The following BTG1 variants were observed in gnomAD, a reference collection of about 807,000 sequenced individuals.
The protein encoded by BTG1 is BTG anti-proliferation factor 1.
In BTG1, 2 loss-of-function variants were observed where a neutral mutation model predicts 15.2. That is an observed-to-expected ratio of 0.13 (90% CI 0.05 to 0.41). The LOEUF is 0.41. BTG1 is among the 10% of genes least tolerant of loss of function. The pLI is 0.99. For missense variants in BTG1, 149 were observed against 215.0 expected, an observed-to-expected ratio of 0.69 and a Z score of 1.92; for synonymous variants, 109 against 82.4, an observed-to-expected ratio of 1.32 and a Z score of -1.75.
At chr12:92,145,089 T>C (rs1186646979) in intron 1 of BTG1, 2 of 237,958 alleles carry the variant, frequency 8.4e-6, no homozygotes, top group East Asian at 8.6e-5. Flanking sequence ...TGTCCCCAAA[T>C]CCGCCGACGG....
chr12:92,144,812 A>G (rs1053763934), intron 1 of BTG1, among the ~76,000 whole-genome samples: 1 of 152,192 alleles, frequency 6.6e-6, no homozygotes, highest in African/African-American at 2.4e-5. Flanking sequence ...TTTGGAGATG[A>G]GAAGCGCCAC....
rs1249584865 is a variant in BTG1 at position 92,140,474 on chromosome 12, C to A, written c.*3606G>T. ...AGCATTTCAAAAATATAACACTTAA[C>A]ATCAGAAGAAAATGATCTATAGGGA... On this transcript the variant is annotated 3_prime_UTR_variant, in exon 2 of 2. Transcript: ENST00000256015. 1 of 227,904 alleles carries A rather than the reference C, an allele frequency of 4.4e-6. No homozygotes were observed. Among genetic ancestry groups the A allele is most frequent in the East Asian group, 6.3e-5 (1 of 15,866 alleles). The allele number at this position is 227,904 out of a possible 1,614,324, so 14.1% of individuals were successfully genotyped here.
At position 92,143,930 on chromosome 12, in the gene BTG1, ATTTTT is replaced by A. The variant is rs11377023; in HGVS notation, c.*145_*149del. 18 of 806,572 alleles carry A rather than the reference ATTTTT, an allele frequency of 2.2e-5. No homozygotes were observed. The East Asian group carries it at 5.3e-4, about 24-fold the overall frequency. The allele number at this position is 806,572 out of a possible 1,614,324, so 50.0% of individuals were successfully genotyped here. On this transcript the variant is annotated 3_prime_UTR_variant, in exon 2 of 2. Transcript: ENST00000256015. ...CCAAACTATGGCACTGTCACTTAAA[ATTTTT>A]TTTTTTTTTACCATTCTATCTTGTG... is the stretch of plus-strand genomic sequence containing the variant.
At chr12:92,144,566 GTCCAGGATTGCA>G (rs1400216253) in intron 1 of BTG1, 119 bp from the exon 2 acceptor site, 1 of 1,341,148 alleles carries the variant, frequency 7.5e-7, no homozygotes, top group Non-Finnish European at 1.0e-6. Context: ...TTTTTAAAAT[GTCCAGGATTGCA>G]TCCGTTGTTG....
At chr12:92,145,167 C>T (rs578215726) in intron 1 of BTG1, 2 of 571,236 alleles carry the variant, frequency 3.5e-6, no homozygotes, top group Admixed American at 4.6e-5. Context: ...CTTCTCCTCT[C>T]CGTTTTGCCA....
chr12:92,142,117 G>A lies in BTG1; in HGVS notation c.*1963C>T, dbSNP rs1170229016. 2 of 231,908 alleles carry A rather than the reference G, an allele frequency of 8.6e-6. No homozygotes were observed. The highest frequency in any genetic ancestry group is 6.1e-5 in the East Asian group (1 of 16,410). 14.4% of individuals were successfully genotyped at this position (231,908 alleles called of 1,614,324 possible). Reference sequence around the variant, plus strand: ...TTGGCAAGGGTAGTCCATGTGTTGCGGGTCTACGAATTCTAACTCTCGAGA... The same window carrying A: ...TTGGCAAGGGTAGTCCATGTGTTGCAGGTCTACGAATTCTAACTCTCGAGA... On this transcript the variant is annotated 3_prime_UTR_variant, in exon 2 of 2. Transcript: ENST00000256015.
chr12:92,142,867 A>G lies in BTG1; in HGVS notation c.*1213T>C, dbSNP rs1010424960. 1 of 232,998 alleles carries G rather than the reference A, an allele frequency of 4.3e-6. No individual in the cohort carries two copies. The highest frequency in any genetic ancestry group is 8.5e-6 in the Non-Finnish European group (1 of 117,986). 14.4% of individuals were successfully genotyped at this position (232,998 alleles called of 1,614,324 possible). ...CCTTTGAGTATCACATTTTTGGTAG[A>G]TGCTACCGTGGTCTCTTATCCTTAT... On this transcript the variant is annotated 3_prime_UTR_variant, in exon 2 of 2. Coordinates refer to ENST00000256015, the MANE Select transcript of BTG1 (RefSeq NM_001731.3).
At position 92,145,652 on chromosome 12, in the gene BTG1, T is replaced by A; in HGVS notation, c.-117A>T. The A allele has an allele frequency of 1.5e-6, 1 of 647,606 alleles. No homozygotes were observed. Among genetic ancestry groups the A allele is most frequent in the Non-Finnish European group, 2.2e-6 (1 of 447,550 alleles). 40.1% of individuals were successfully genotyped at this position (647,606 alleles called of 1,614,324 possible). A position where few individuals can be genotyped will look rare whatever the true frequency, so the allele number is the denominator to read the frequency against. On this transcript the variant is annotated 5_prime_UTR_variant, in exon 1 of 2. Coordinates refer to ENST00000256015, the MANE Select transcript of BTG1 (RefSeq NM_001731.3). ...GGAAGGCTGAGAGGAAGAGAGGGCG[T>A]GAGGGGCGGACGACTACTTTTGTCT...
rs141961372 is a variant in BTG1 at position 92,143,762 on chromosome 12, G to A, written c.*318C>T. 1.6e-4 allele frequency: 50 copies of A among 303,610 alleles called. No individual in the cohort carries two copies. The highest frequency in any genetic ancestry group is 9.7e-4 in the African/African-American group (45 of 46,332). 18.8% of individuals were successfully genotyped at this position (303,610 alleles called of 1,614,324 possible). ...GCAGAGAAAGATTCTTTGAAATACA[G>A]ATTTTCTTTAAAAGGATTGATGTAA... On this transcript the variant is annotated 3_prime_UTR_variant, in exon 2 of 2. Coordinates refer to ENST00000256015, the MANE Select transcript of BTG1 (RefSeq NM_001731.3).
In BTG1 at chr12:92,143,819, C is replaced by G. The variant is rs1177607713; in HGVS notation, c.*261G>C. ...AGGTATGTCTGGGAGAAACTGAAAC[C>G]ACCCTAGGACTTCCCTCCCTAGCAA... On this transcript the variant is annotated 3_prime_UTR_variant, in exon 2 of 2. Coordinates refer to ENST00000256015, the MANE Select transcript of BTG1 (RefSeq NM_001731.3). The G allele has an allele frequency of 2.5e-6, 1 of 397,146 alleles. No homozygotes were observed. The highest frequency in any genetic ancestry group is 4.5e-5 in the East Asian group (1 of 22,016). The allele number at this position is 397,146 out of a possible 1,614,324, so 24.6% of individuals were successfully genotyped here. A position where few individuals can be genotyped will look rare whatever the true frequency, so the allele number is the denominator to read the frequency against.
In BTG1 at chr12:92,142,649, G is replaced by T. The variant is rs1290494453; in HGVS notation, c.*1431C>A. 4.3e-6 allele frequency: 1 copy of T among 232,864 alleles called. No individual in the cohort carries two copies. Among genetic ancestry groups the T allele is most frequent in the Non-Finnish European group, 8.5e-6 (1 of 117,924 alleles). The allele number at this position is 232,864 out of a possible 1,614,324, so 14.4% of individuals were successfully genotyped here. A position where few individuals can be genotyped will look rare whatever the true frequency, so the allele number is the denominator to read the frequency against. On this transcript the variant is annotated 3_prime_UTR_variant, in exon 2 of 2. Transcript: ENST00000256015. ...CTTATGTGATTTTTATGTACATCTTGCAGGTGATGAAAAGCAAAAAGCAAC... is the reference window on the plus strand; with the variant it reads ...CTTATGTGATTTTTATGTACATCTTTCAGGTGATGAAAAGCAAAAAGCAAC...
rs1025285379 is a variant in BTG1 at position 92,143,160 on chromosome 12, G to A, written c.*920C>T. ...AAGATAAGAAACGATTTATTATAGA[G>A]AGAAGAAAAATTTCTCATCCAAAAT... On this transcript the variant is annotated 3_prime_UTR_variant, in exon 2 of 2. Coordinates refer to ENST00000256015, the MANE Select transcript of BTG1 (RefSeq NM_001731.3). 1 of 232,704 alleles carries A rather than the reference G, an allele frequency of 4.3e-6. No homozygotes were observed. Among genetic ancestry groups the A allele is most frequent in the African/African-American group, 2.2e-5 (1 of 45,292 alleles). The allele number at this position is 232,704 out of a possible 1,614,324, so 14.4% of individuals were successfully genotyped here.
chr12:92,144,416 C>T lies in BTG1; in HGVS notation c.180G>A (p.Lys60=), dbSNP rs1159068303. ...AACGGTAACCCGATCCCTTGCATGG[C>T]TTTTCTGGGAACCAGTGATGTTTAT... ...EHYKHHWFPE[K]PCKGSGYRCI... Residue 60 remains lysine, a synonymous_variant, in exon 2 of 2, where the codon AAG becomes AAA. Transcript: ENST00000256015. 1.2e-6 allele frequency: 2 copies of T among 1,614,194 alleles called. No individual in the cohort carries two copies. Among genetic ancestry groups the T allele is most frequent in the Non-Finnish European group, 1.7e-6 (2 of 1,180,028 alleles).
chr12:92,143,711 G>C lies in BTG1; in HGVS notation c.*369C>G. ...ACAATAACAACTTTCAAGTGTAATA[G>C]TGCAAATTCCCCTGCGAGATTTACT... On this transcript the variant is annotated 3_prime_UTR_variant, in exon 2 of 2. Coordinates refer to ENST00000256015, the MANE Select transcript of BTG1 (RefSeq NM_001731.3). The C allele has an allele frequency of 3.5e-6, 1 of 283,560 alleles. No homozygotes were observed. The highest frequency in any genetic ancestry group is 6.6e-6 in the Non-Finnish European group (1 of 150,464). The allele number at this position is 283,560 out of a possible 1,614,324, so 17.6% of individuals were successfully genotyped here.
Position 92,140,912 on chromosome 12 carries a change from AG to A in BTG1, c.*3167del. The A allele has an allele frequency of 4.3e-6, 1 of 232,722 alleles. No homozygotes were observed. Among genetic ancestry groups the A allele is most frequent in the Non-Finnish European group, 8.5e-6 (1 of 117,696 alleles). The allele number at this position is 232,722 out of a possible 1,614,324, so 14.4% of individuals were successfully genotyped here. The stretch of plus-strand genomic sequence containing the variant: ...AGGATTTTATCACATCATTTGAAAT[AG>A]GGGTGAAAAGGGGAGAGGAAGTATC... On this transcript the variant is annotated 3_prime_UTR_variant, in exon 2 of 2. Coordinates refer to ENST00000256015, the MANE Select transcript of BTG1 (RefSeq NM_001731.3).
At position 92,144,375 on chromosome 12, in the gene BTG1, T is replaced by C. The variant is rs1338886522; in HGVS notation, c.221A>G (p.His74Arg). ...CTGTCCAATCAGAGGATCCATTTTA[T>C]GGTTGATGCGAATACAACGGTAACC... is the stretch of plus-strand genomic sequence containing the variant. ...GSGYRCIRIN[H>R]KMDPLIGQAA... The change falls in exon 2 of 2, where the codon CAT becomes CGT. Residue 74 changes from histidine (H) to arginine (R), a missense_variant. Coordinates refer to ENST00000256015, the MANE Select transcript of BTG1 (RefSeq NM_001731.3). The C allele has an allele frequency of 6.2e-7, 1 of 1,614,130 alleles. No individual in the cohort carries two copies. The highest frequency in any genetic ancestry group is 8.5e-7 in the Non-Finnish European group (1 of 1,180,054).
Position 92,142,652 on chromosome 12 carries a change from G to A in BTG1, c.*1428C>T, listed in dbSNP as rs1870323610. 2 of 233,024 alleles carry A rather than the reference G, an allele frequency of 8.6e-6. No homozygotes were observed. Among genetic ancestry groups the A allele is most frequent in the Admixed American group, 5.6e-5 (1 of 17,794 alleles). 14.4% of individuals were successfully genotyped at this position (233,024 alleles called of 1,614,324 possible). ...ATGTGATTTTTATGTACATCTTGCA[G>A]GTGATGAAAAGCAAAAAGCAACCAA... On this transcript the variant is annotated 3_prime_UTR_variant, in exon 2 of 2. Transcript: ENST00000256015.
intron 1 of BTG1, 159 bp downstream of exon 1, chr12:92,145,229 C>G (rs1353692412): frequency 3.4e-6 from 4 of 1,161,774 alleles, no homozygotes; most frequent in East Asian, 6.5e-5. Context: ...TCGCGGGGAA[C>G]CGCTGTTAGC....
rs543966662 is a variant in BTG1 at position 92,142,797 on chromosome 12, G to A, written c.*1283C>T. ...TGTTTTTCAAAGGTGGGTCAGAATG[G>A]AACATTTATATCTTCACTTCAACAG... On this transcript the variant is annotated 3_prime_UTR_variant, in exon 2 of 2. Transcript: ENST00000256015. 2.7e-4 allele frequency: 62 copies of A among 232,990 alleles called. No homozygotes were observed. The South Asian group carries it at 0.011, about 39-fold the overall frequency. The allele number at this position is 232,990 out of a possible 1,614,324, so 14.4% of individuals were successfully genotyped here.
Sources: allele counts gnomAD v4.1 joint callset (sites outside exome capture counted in the v4.1 genomes callset), GRCh38; gene constraint gnomAD v4.1.1; transcripts MANE v1.5; gene names NCBI Gene and HGNC (gene_info 2026-07-23, HGNC 2026-07-21).